Variants in ST7 observed in about 807,000 individuals in gnomAD.
The protein encoded by ST7 is suppression of tumorigenicity 7.
Under a neutral mutation model 78.7 loss-of-function variants are expected in ST7, and 28 were observed. The ratio of observed to expected loss-of-function variants is 0.36; its 90% CI spans 0.26 to 0.49. The LOEUF is 0.49. Among genes scored for constraint, ST7 ranks in the 20% least tolerant of loss-of-function variants. ST7 has a pLI of 0.99. For synonymous variants in ST7, 247 were observed against 249.6 expected (o/e 0.99, Z 0.10); for missense variants, 418 against 696.0 (o/e 0.60, Z 4.49).
intron 1 of ST7, among the ~76,000 whole-genome samples, chr7:117,097,900 ATATATATATTTTTTTTTT>A (rs1194452286): frequency 7.1e-5 from 2 of 28,158 alleles, no homozygotes; most frequent in African/African-American, 1.5e-4. Context: ...ATATATATAT[ATATATATATTTTTTTTTT>A]TTTTTTTTTT....
In ST7 at chr7:117,219,191, T is replaced by A; in HGVS notation, c.1498+15T>A. 6.3e-7 allele frequency: 1 copy of A among 1,599,446 alleles called. No homozygotes were observed. The highest frequency in any genetic ancestry group is 8.6e-7 in the Non-Finnish European group (1 of 1,168,760). On this transcript the variant is annotated intron_variant, in intron 14 of 15. Transcript: ENST00000323984. The surrounding 1 kb of genome is among the most constrained non-coding windows in gnomAD (Gnocchi z 5.1). ...GCTGCTTCCATGTAAGTCTCACCTC[T>A]CTTCAGCCAGTGAGGGTGTGTGGTG...
intron 3 of ST7, among the ~76,000 whole-genome samples, chr7:117,128,623 T>C (rs1804071168): frequency 6.6e-6 from 1 of 151,892 alleles, no homozygotes; most frequent in Non-Finnish European, 1.5e-5. Context: ...GTATATCCTT[T>C]ACTATTTTAA....
At chr7:117,161,404 AATTTTTGC>A (rs1807130584) in intron 9 of ST7, among the ~76,000 whole-genome samples, 1 of 151,850 alleles carries the variant, frequency 6.6e-6, no homozygotes, top group African/African-American at 2.4e-5. Flanking sequence ...AATTAGTTAA[AATTTTTGC>A]ATTTTTTCCC....
intron 12 of ST7, among the ~76,000 whole-genome samples, chr7:117,196,832 T>C (rs1429087772): frequency 6.6e-6 from 1 of 152,126 alleles, no homozygotes; most frequent in Non-Finnish European, 1.5e-5. Context: ...TTTTGTTGCT[T>C]GTGCTTTTGG....
At chr7:117,027,930 A>G (rs73475046) in intron 1 of ST7, among the ~76,000 whole-genome samples, 4,027 of 152,230 alleles carry the variant, frequency 0.026, 176 homozygotes, top group African/African-American at 0.089. Context: ...GAGTAAGGTA[A>G]TATCATTGAA....
chr7:117,168,044 C>G (rs1807703854), intron 9 of ST7, among the ~76,000 whole-genome samples: 1 of 152,124 alleles, frequency 6.6e-6, no homozygotes, highest in African/African-American at 2.4e-5. Context: ...AGAGGGTTCA[C>G]TTTTTGTTCT....
chr7:117,075,004 G>A (rs906687632), intron 1 of ST7, among the ~76,000 whole-genome samples: 3 of 152,178 alleles, frequency 2.0e-5, no homozygotes, highest in Non-Finnish European at 2.9e-5. Flanking sequence ...TTTGGGTGCT[G>A]TTCATTCTTT....
intron 1 of ST7, among the ~76,000 whole-genome samples, chr7:117,089,063 T>C (rs2116674998): frequency 6.6e-6 from 1 of 152,354 alleles, no homozygotes; most frequent in Non-Finnish European, 1.5e-5. Flanking sequence ...CTTTTAGGGC[T>C]GTACTTAGCA....
chr7:117,084,433 T>C (rs772602413), intron 1 of ST7, among the ~76,000 whole-genome samples: 1 of 152,226 alleles, frequency 6.6e-6, no homozygotes, highest in Non-Finnish European at 1.5e-5. Context: ...ACAAGCTTTA[T>C]GTGAACCCAG....
rs553095008 is a variant in ST7 at position 116,986,204 on chromosome 7, T to C, written c.151+32513T>C. Reference sequence around the variant, plus strand: ...GTTGTGTGAGTAGAGTCTATTTTAGTTGAAAGTGGGATGATTCTGCTGTTT... The same window carrying C: ...GTTGTGTGAGTAGAGTCTATTTTAGCTGAAAGTGGGATGATTCTGCTGTTT... On this transcript the variant is annotated intron_variant, in intron 1 of 15. Transcript: ENST00000323984. Among the ~76,000 whole-genome samples the C allele has an allele frequency of 1.7e-4, 26 of 152,300 alleles. No individual in the cohort carries two copies. The East Asian group carries it at 5.0e-3, about 29-fold the overall frequency.
intron 2 of ST7, among the ~76,000 whole-genome samples, chr7:117,118,613 T>C (rs77727722): frequency 0.016 from 2,398 of 152,320 alleles, 53 homozygotes; most frequent in East Asian, 0.048. Context: ...CCTATGAGAC[T>C]CTGGGATATG....
At chr7:116,985,385 C>T (rs1324006067) in intron 1 of ST7, among the ~76,000 whole-genome samples, 1 of 152,168 alleles carries the variant, frequency 6.6e-6, no homozygotes, top group African/African-American at 2.4e-5. Context: ...TGTAGGCCCA[C>T]ATAATTTCCT....
intron 1 of ST7, among the ~76,000 whole-genome samples, chr7:116,965,515 T>C (rs1793064994): frequency 6.6e-6 from 1 of 152,166 alleles, no homozygotes; most frequent in Admixed American, 6.5e-5. Context: ...ACGATGCATA[T>C]AGGTATACCT....
At chr7:117,162,713 A>G (rs566309511) in intron 9 of ST7, among the ~76,000 whole-genome samples, 1 of 151,994 alleles carries the variant, frequency 6.6e-6, no homozygotes, top group South Asian at 2.1e-4. Flanking sequence ...TCATTATGAA[A>G]CTTCTTTTAT....
intron 10 of ST7, among the ~76,000 whole-genome samples, chr7:117,183,967 A>G (rs1046243235): frequency 1.6e-4 from 25 of 152,366 alleles, no homozygotes; most frequent in African/African-American, 5.5e-4. Context: ...AATCTCAAAA[A>G]CAATGTGCTG....
intron 1 of ST7, among the ~76,000 whole-genome samples, chr7:117,088,596 C>T (rs1315600694): frequency 2.0e-5 from 3 of 152,050 alleles, no homozygotes; most frequent in Non-Finnish European, 2.9e-5. Flanking sequence ...AACGAATTGC[C>T]GTATTCAGCT....
chr7:117,213,838 C>T (rs531432280), intron 13 of ST7, among the ~76,000 whole-genome samples: 17 of 152,282 alleles, frequency 1.1e-4, no homozygotes, highest in Non-Finnish European at 2.1e-4. Context: ...TAGCTGCCAC[C>T]TTATCTGAAT....
intron 1 of ST7, among the ~76,000 whole-genome samples, chr7:117,008,048 A>G (rs1003427207): frequency 1.3e-5 from 2 of 152,184 alleles, no homozygotes; most frequent in Non-Finnish European, 2.9e-5. Flanking sequence ...ATAGCCTTTC[A>G]AAAAACCAGA....
intron 2 of ST7, among the ~76,000 whole-genome samples, chr7:117,115,380 A>G (rs1430622699): frequency 6.9e-6 from 1 of 144,162 alleles, no homozygotes; most frequent in Non-Finnish European, 1.5e-5. Context: ...TTTGAGACAC[A>G]GTCTAACTCT....
Sources: allele counts gnomAD v4.1 joint callset (sites outside exome capture counted in the v4.1 genomes callset), GRCh38; gene constraint gnomAD v4.1.1; non-coding constraint Gnocchi (gnomAD v3.1); transcripts MANE v1.5; gene names NCBI Gene and HGNC (gene_info 2026-07-23, HGNC 2026-07-21).